The following GPC5 variants were observed in gnomAD, a reference collection of about 807,000 sequenced individuals.
The protein encoded by GPC5 is glypican-5.
GPC5 carries 47 observed loss-of-function variants against 53.9 expected under a neutral mutation model. That is an observed-to-expected ratio of 0.87 (90% confidence interval 0.69 to 1.11). The LOEUF is 1.11. Ranked by LOEUF, GPC5 falls within the 50% of genes most tolerant of loss-of-function variation. The pLI is 0.00. For synonymous variants in GPC5, 286 were observed against 263.3 expected (o/e 1.09, Z -0.84); for missense variants, 748 against 713.1 (o/e 1.05, Z -0.56).
At position 92,377,090 on chromosome 13, in the gene GPC5, C is replaced by A. The variant is rs7328028; in HGVS notation, c.1561+232101C>A. 7.4e-3 allele frequency among the ~76,000 whole-genome samples: 1,123 copies of A among 152,208 alleles called. 10 individuals carry two copies. Among genetic ancestry groups the A allele is most frequent in the African/African-American group, 0.025 (1,053 of 41,534 alleles). The stretch of plus-strand genomic sequence containing the variant: ...ATGTGGTAAATTGTTCTTTATCTTT[C>A]AAACCTTAGTTCCTGAATCAATGCC... On this transcript the variant is annotated intron_variant, in intron 7 of 7. Coordinates refer to ENST00000377067, the MANE Select transcript of GPC5 (RefSeq NM_004466.6).
At chr13:92,105,020 G>T (rs1423403250) in intron 6 of GPC5, among the ~76,000 whole-genome samples, 9 of 151,944 alleles carry the variant, frequency 5.9e-5, no homozygotes, top group African/African-American at 2.2e-4. Flanking sequence ...TGATTGTTAA[G>T]GTATAAAGAA....
At chr13:91,731,583 G>C (rs999634103) in intron 4 of GPC5, among the ~76,000 whole-genome samples, 1 of 151,970 alleles carries the variant, frequency 6.6e-6, no homozygotes, top group Non-Finnish European at 1.5e-5. Context: ...TGTTAAATGG[G>C]TGTATGTGTG....
chr13:91,897,774 C>T (rs1206990247), intron 5 of GPC5, among the ~76,000 whole-genome samples: 2 of 152,158 alleles, frequency 1.3e-5, no homozygotes, highest in South Asian at 2.1e-4. Flanking sequence ...AAACACATCT[C>T]GTGACTGCTG....
chr13:91,526,008 T>TA (rs1886070938), intron 2 of GPC5, among the ~76,000 whole-genome samples: 1 of 152,094 alleles, frequency 6.6e-6, no homozygotes, highest in African/African-American at 2.4e-5. Flanking sequence ...GAGTAAGTAG[T>TA]TGAGAATTTT....
intron 6 of GPC5, among the ~76,000 whole-genome samples, chr13:92,013,587 T>C (rs891042108): frequency 2.0e-5 from 3 of 152,138 alleles, no homozygotes; most frequent in Non-Finnish European, 2.9e-5. Context: ...GGAATAGACA[T>C]TCTCGCTTTG....
intron 1 of GPC5, among the ~76,000 whole-genome samples, chr13:91,418,983 C>T (rs1301032089): frequency 6.6e-6 from 1 of 151,912 alleles, no homozygotes; most frequent in East Asian, 1.9e-4. Context: ...GCATACTGAC[C>T]TTGCATTCAT....
intron 3 of GPC5, among the ~76,000 whole-genome samples, chr13:91,727,150 C>A (rs764276857): frequency 2.0e-5 from 3 of 152,154 alleles, no homozygotes; most frequent in Admixed American, 6.5e-5. Flanking sequence ...TACATGAGGC[C>A]ATGCCTTATT....
intron 7 of GPC5, among the ~76,000 whole-genome samples, chr13:92,644,439 G>C (rs1358638075): frequency 6.6e-6 from 1 of 152,116 alleles, no homozygotes; most frequent in African/African-American, 2.4e-5. Context: ...ACAATCACAA[G>C]ACTGAAATCT....
At chr13:91,909,794 G>T (rs2039592279) in intron 6 of GPC5, among the ~76,000 whole-genome samples, 1 of 152,112 alleles carries the variant, frequency 6.6e-6, no homozygotes, top group East Asian at 1.9e-4. Context: ...TAGGAGGAGG[G>T]TTCACATATT....
At chr13:91,637,428 A>G (rs2034311894) in intron 2 of GPC5, among the ~76,000 whole-genome samples, 1 of 152,220 alleles carries the variant, frequency 6.6e-6, no homozygotes, top group East Asian at 1.9e-4. Flanking sequence ...CCAGAAAAAG[A>G]CATTCCCAGG....
chr13:92,617,488 A>G (rs1884732293), intron 7 of GPC5, among the ~76,000 whole-genome samples: 1 of 151,972 alleles, frequency 6.6e-6, no homozygotes, highest in Non-Finnish European at 1.5e-5. Flanking sequence ...ACATTTGCTT[A>G]CTTCTTTTTT....
At chr13:92,861,206 A>C (rs1015956320) in intron 7 of GPC5, among the ~76,000 whole-genome samples, 2 of 152,112 alleles carry the variant, frequency 1.3e-5, no homozygotes, top group Non-Finnish European at 2.9e-5. Context: ...TTGGCACTTA[A>C]TTTGCTTAGG....
intron 7 of GPC5, among the ~76,000 whole-genome samples, chr13:92,842,351 G>T (rs1029245146): frequency 3.9e-5 from 6 of 152,064 alleles, no homozygotes; most frequent in African/African-American, 1.4e-4. Context: ...GAGGTCCTTT[G>T]AGAGTGATGT....
intron 5 of GPC5, among the ~76,000 whole-genome samples, chr13:91,803,777 GAC>G (rs200458829): frequency 8.8e-6 from 1 of 113,706 alleles, no homozygotes; most frequent in Non-Finnish European, 2.0e-5. Flanking sequence ...CAGACAGACA[GAC>G]AGACACACAC....
chr13:91,974,250 T>A (rs576099702), intron 6 of GPC5, among the ~76,000 whole-genome samples: 1 of 152,298 alleles, frequency 6.6e-6, no homozygotes, highest in African/African-American at 2.4e-5. Flanking sequence ...TTCAACATAG[T>A]GTTGGAAGTT....
chr13:91,864,618 T>C (rs1219934131), intron 5 of GPC5, among the ~76,000 whole-genome samples: 1 of 152,092 alleles, frequency 6.6e-6, no homozygotes, highest in African/African-American at 2.4e-5. Context: ...TGAGCAAAAG[T>C]TGTTTAAGTT....
At chr13:92,392,046 T>C (rs1010185221) in intron 7 of GPC5, among the ~76,000 whole-genome samples, 11 of 152,334 alleles carry the variant, frequency 7.2e-5, no homozygotes, top group African/African-American at 2.6e-4. Context: ...TGTGGCCTGT[T>C]CTATATCAGA....
At chr13:92,622,871 C>T (rs950517554) in intron 7 of GPC5, among the ~76,000 whole-genome samples, 1 of 152,064 alleles carries the variant, frequency 6.6e-6, no homozygotes, top group African/African-American at 2.4e-5. Context: ...TTTTATAACT[C>T]TAAAAACACT....
chr13:91,712,404 A>G (rs566415865), intron 3 of GPC5, among the ~76,000 whole-genome samples: 10 of 151,658 alleles, frequency 6.6e-5, no homozygotes, highest in East Asian at 5.8e-4. Context: ...GTGTGTGTGT[A>G]TATATATATA....
Sources: allele counts gnomAD v4.1 joint callset (sites outside exome capture counted in the v4.1 genomes callset), GRCh38; gene constraint gnomAD v4.1.1; transcripts MANE v1.5; gene names NCBI Gene and HGNC (gene_info 2026-07-23, HGNC 2026-07-21).